The following SMIM36 variants were observed in gnomAD, a reference collection of about 807,000 sequenced individuals.
SMIM36 encodes the protein small integral membrane protein 36.
intron 1 of SMIM36, among the ~76,000 whole-genome samples, chr17:55,492,506 C>A (rs1460067627): frequency 6.6e-6 from 1 of 151,708 alleles, no homozygotes; most frequent in Non-Finnish European, 1.5e-5. Flanking sequence ...GATCTGCCCT[C>A]CTCAGCCTCC....
At chr17:55,520,200 CTT>C in the SMIM36 span, among the ~76,000 whole-genome samples, 122 of 152,238 alleles carry the variant, frequency 8.0e-4, 1 homozygote, top group East Asian at 0.021. Flanking sequence ...GTAAAATCTC[CTT>C]TTGTTTCCCT....
the SMIM36 span, among the ~76,000 whole-genome samples, chr17:55,522,710 C>A: frequency 4.0e-5 from 6 of 151,888 alleles, no homozygotes; most frequent in African/African-American, 1.5e-4. Context: ...CATGTCACCT[C>A]CATCCCTGGG....
chr17:55,495,628 ATTT>A (rs34617289), intron 1 of SMIM36, among the ~76,000 whole-genome samples: 11,434 of 145,216 alleles, frequency 0.079, 741 homozygotes, highest in East Asian at 0.25. Flanking sequence ...GTCTCTATAA[ATTT>A]TTTTTTTTTT....
upstream of SMIM36, among the ~76,000 whole-genome samples, chr17:55,516,239 G>T (rs1265098752): frequency 2.0e-5 from 3 of 152,272 alleles, no homozygotes; most frequent in Admixed American, 2.0e-4. Context: ...CTATGGTGTT[G>T]GTTCTCCCTC....
intron 3 of SMIM36, among the ~76,000 whole-genome samples, chr17:55,475,419 T>A (rs1224194553): frequency 6.6e-6 from 1 of 152,078 alleles, no homozygotes; most frequent in Non-Finnish European, 1.5e-5. Context: ...ACCCTCTAAC[T>A]CTCCCCATCT....
exon 1 of SMIM36, chr17:55,511,125 G>A (rs1910173764): frequency 5.0e-6 from 2 of 398,492 alleles, no homozygotes; most frequent in Non-Finnish European, 4.4e-6. Flanking sequence ...TTGGCCAGTG[G>A]GGCCCAGCGA....
intron 1 of SMIM36, among the ~76,000 whole-genome samples, chr17:55,485,422 A>G (rs1298021213): frequency 6.7e-6 from 1 of 150,072 alleles, no homozygotes; most frequent in African/African-American, 2.5e-5. Context: ...AGTAGCTGGG[A>G]CCACAGGTGT....
At chr17:55,511,419 C>T (rs1366026969) in exon 1 of SMIM36, 9 of 397,102 alleles carry the variant, frequency 2.3e-5, no homozygotes, top group South Asian at 1.4e-4. Flanking sequence ...CTTAGAGCAT[C>T]GGAATAGCTA....
At chr17:55,478,933 C>A (rs1053878690) in intron 2 of SMIM36, 120 bp from the exon 3 acceptor site, 2 of 152,212 alleles carry the variant, frequency 1.3e-5, no homozygotes, top group African/African-American at 4.8e-5. Flanking sequence ...AACCCCTTTG[C>A]AGCAGCAGGG....
At chr17:55,452,305 T>A (rs1908935297) in intron 4 of SMIM36, among the ~76,000 whole-genome samples, 1 of 152,080 alleles carries the variant, frequency 6.6e-6, no homozygotes, top group Admixed American at 6.6e-5. Context: ...TCCAGTTAAA[T>A]CACCAGTTCA....
the SMIM36 span, chr17:55,527,039 A>G: frequency 6.6e-6 from 1 of 152,190 alleles, no homozygotes; most frequent in African/African-American, 2.4e-5. Flanking sequence ...CAGTTCTGCA[A>G]TGCACTCAAA....
In SMIM36 at chr17:55,501,086, TA is replaced by T. The variant is rs1438525122; in HGVS notation, c.*174+9792del. ...TTATTATATATTATAATATATAATATACTATTATATTTTATAATATATAATA... is the reference window on the plus strand; with the variant it reads ...TTATTATATATTATAATATATAATATCTATTATATTTTATAATATATAATA... On this transcript the variant is annotated intron_variant, in intron 1 of 4. Coordinates refer to ENST00000636752, the Ensembl canonical transcript of SMIM36. Among the ~76,000 whole-genome samples the T allele has an allele frequency of 1.3e-3, 26 of 20,204 alleles. 1 individual carries two copies. Among genetic ancestry groups the T allele is most frequent in the Non-Finnish European group, 2.2e-3 (26 of 12,038 alleles). 13.3% of individuals were successfully genotyped at this position (20,204 alleles called of 152,430 possible). A position where few individuals can be genotyped will look rare whatever the true frequency, so the allele number is the denominator to read the frequency against.
At chr17:55,484,076 G>A (rs1909565784) in intron 1 of SMIM36, among the ~76,000 whole-genome samples, 1 of 151,790 alleles carries the variant, frequency 6.6e-6, no homozygotes, top group Non-Finnish European at 1.5e-5. Context: ...ATGTATTTAA[G>A]CTTAGCATAT....
chr17:55,515,084 G>GTTTTTTTTTTTTTT (rs1567874075), upstream of SMIM36, among the ~76,000 whole-genome samples: 9 of 56,154 alleles, frequency 1.6e-4, 4 homozygotes, highest in Non-Finnish European at 5.0e-4. Context: ...TTCTAGTCTA[G>GTTTTTTTTTTTTTT]TGTTTTTTTT....
chr17:55,463,616 G>A (rs1255235293), intron 4 of SMIM36, among the ~76,000 whole-genome samples: 1 of 152,112 alleles, frequency 6.6e-6, no homozygotes, highest in Non-Finnish European at 1.5e-5. Flanking sequence ...TTATTATACT[G>A]TACTGAGAAT....
At chr17:55,485,782 T>C (rs1385361579) in intron 1 of SMIM36, among the ~76,000 whole-genome samples, 1 of 152,236 alleles carries the variant, frequency 6.6e-6, no homozygotes, top group Non-Finnish European at 1.5e-5. Context: ...TCTACTGTTA[T>C]CATTCCCATC....
chr17:55,477,684 A>G (rs1320288517), intron 3 of SMIM36, among the ~76,000 whole-genome samples: 2 of 152,044 alleles, frequency 1.3e-5, no homozygotes, highest in Non-Finnish European at 2.9e-5. Flanking sequence ...CATTTATTAG[A>G]TATGATCTTG....
the SMIM36 span, among the ~76,000 whole-genome samples, chr17:55,517,314 G>T: frequency 2.0e-5 from 3 of 152,160 alleles, no homozygotes; most frequent in Non-Finnish European, 2.9e-5. Flanking sequence ...ACTTTGGGAG[G>T]CCAAGGAGGG....
At chr17:55,450,732 G>A (rs542933411) in intron 4 of SMIM36, among the ~76,000 whole-genome samples, 2 of 152,300 alleles carry the variant, frequency 1.3e-5, no homozygotes, top group South Asian at 2.1e-4. Flanking sequence ...CAAGCACAAG[G>A]CAATACTGGC....
Sources: allele counts gnomAD v4.1 joint callset (sites outside exome capture counted in the v4.1 genomes callset), GRCh38; gene constraint gnomAD v4.1.1; transcripts MANE v1.5; gene names NCBI Gene and HGNC (gene_info 2026-07-23, HGNC 2026-07-21).